The following MEI1 variants were observed in gnomAD, a reference collection of about 807,000 sequenced individuals.
The protein encoded by MEI1 is meiotic double-stranded break formation protein 1.
In MEI1, 103 loss-of-function variants were observed where a neutral mutation model predicts 146.2. The observed-to-expected ratio is 0.70, with a 90% CI of 0.60 to 0.83. The LOEUF is 0.83. Ranked by LOEUF, MEI1 falls within the 40% of genes least tolerant of loss-of-function variation. The probability of loss-of-function intolerance (pLI) is 0.00; values close to 1 mark genes in which losing one functional copy is unlikely to be tolerated. For synonymous variants in MEI1, 652 were observed against 628.2 expected, an observed-to-expected ratio of 1.04 and a Z score of -0.57; for missense variants, 1,529 against 1,533.0, an observed-to-expected ratio of 1.00 and a Z score of 0.04.
At chr22:41,758,238 T>G in intron 17 of MEI1, 127 bp from the exon 18 acceptor site, 1 of 790,602 alleles carries the variant, frequency 1.3e-6, no homozygotes, top group Non-Finnish European at 1.8e-6. Context: ...GATTTCCTTA[T>G]TTCCCACTAT....
chr22:41,785,997 G>T (rs1297565832), intron 26 of MEI1, among the ~76,000 whole-genome samples: 1 of 137,284 alleles, frequency 7.3e-6, no homozygotes, highest in East Asian at 2.0e-4. Context: ...TGCAAGCTCC[G>T]CCTCCCGGGT....
chr22:41,789,531 T>TC (rs2076102092), intron 26 of MEI1, among the ~76,000 whole-genome samples: 1 of 152,100 alleles, frequency 6.6e-6, no homozygotes, highest in Admixed American at 6.6e-5. Flanking sequence ...AGTATATGGG[T>TC]CAGTGGCATT....
At chr22:41,722,976 T>A (rs1216766870) in intron 6 of MEI1, among the ~76,000 whole-genome samples, 1 of 152,164 alleles carries the variant, frequency 6.6e-6, no homozygotes, top group Non-Finnish European at 1.5e-5. Context: ...GACTTTTTTT[T>A]CCCCCAGCCA....
chr22:41,757,528 T>A (rs1339041045), intron 17 of MEI1, among the ~76,000 whole-genome samples: 1 of 152,064 alleles, frequency 6.6e-6, no homozygotes, highest in Non-Finnish European at 1.5e-5. Context: ...CGGCTAATTT[T>A]TGTATTTTTG....
chr22:41,740,113 A>T (rs1008709833), intron 11 of MEI1, among the ~76,000 whole-genome samples: 1 of 151,722 alleles, frequency 6.6e-6, no homozygotes, highest in Non-Finnish European at 1.5e-5. Context: ...TCCACCTCCC[A>T]GGTTCAAACG....
chr22:41,763,422 TAG>T, intron 19 of MEI1, 101 bp downstream of exon 19: 1 of 1,355,084 alleles, frequency 7.4e-7, no homozygotes. Flanking sequence ...AAGCGGGTGG[TAG>T]AGAGAGACAA....
At position 41,730,656 on chromosome 22, in the gene MEI1, G is replaced by T; in HGVS notation, c.1096+19G>T. ...GTGTATGGTTGGTAGTAAGGGTCCT[G>T]TACTAGCTTTGGGTTGGGTGGACGG... On this transcript the variant is annotated intron_variant, in intron 9 of 30. Transcript: ENST00000401548. 6.4e-7 allele frequency: 1 copy of T among 1,560,078 alleles called. No homozygotes were observed. Among genetic ancestry groups the T allele is most frequent in the Non-Finnish European group, 8.8e-7 (1 of 1,130,870 alleles).
intron 6 of MEI1, chr22:41,721,937 T>C (rs955277524): frequency 5.9e-5 from 9 of 151,660 alleles, no homozygotes; most frequent in African/African-American, 1.7e-4. Flanking sequence ...GCCAGGATGG[T>C]GTCAATCTCT....
intron 11 of MEI1, among the ~76,000 whole-genome samples, chr22:41,740,054 C>T (rs1253570023): frequency 6.6e-6 from 1 of 151,750 alleles, no homozygotes; most frequent in Admixed American, 6.6e-5. Context: ...GAGTCTCGCT[C>T]TGTTGCTCAG....
In MEI1 at chr22:41,793,032, C is replaced by CTTTTTTTTTTTTTTTTTTTT; in HGVS notation, c.3346-785_3346-766dup. 4.1e-5 allele frequency among the ~76,000 whole-genome samples: 2 copies of CTTTTTTTTTTTTTTTTTTTT among 48,398 alleles called. 1 individual carries two copies. The highest frequency in any genetic ancestry group is 3.2e-3 in the South Asian group (2 of 622). The allele number at this position is 48,398 out of a possible 152,430, so 31.8% of individuals were successfully genotyped here. ...ATCTTCTTTTCTGAAACAAAGCATT[C>CTTTTTTTTTTTTTTTTTTTT]TTTTTTTTTTTTTTTTTTTTTTTTT... On this transcript the variant is annotated intron_variant, in intron 26 of 30. Transcript: ENST00000401548.
intron 24 of MEI1, 89 bp downstream of exon 24, chr22:41,781,934 CT>C: frequency 6.9e-7 from 1 of 1,458,700 alleles, no homozygotes; most frequent in Admixed American, 2.0e-5. Context: ...GCTCTGGGGG[CT>C]TATTAGCTGT....
chr22:41,745,815 C>G (rs983649380), intron 13 of MEI1, 70 bp from the exon 14 acceptor site: 12 of 1,469,450 alleles, frequency 8.2e-6, no homozygotes, highest in Non-Finnish European at 1.1e-5. Context: ...CCCGCCACCC[C>G]CCAGGAAGCT....
chr22:41,794,203 C>T (rs1002115847), intron 27 of MEI1, among the ~76,000 whole-genome samples, 168 bp from the exon 28 acceptor site: 9 of 152,216 alleles, frequency 5.9e-5, no homozygotes, highest in Non-Finnish European at 1.0e-4. Flanking sequence ...AGCCAGTCAA[C>T]ATAAGTGGAT....
intron 11 of MEI1, among the ~76,000 whole-genome samples, chr22:41,738,466 A>T (rs954340935): frequency 3.3e-5 from 5 of 152,222 alleles, no homozygotes; most frequent in African/African-American, 1.2e-4. Context: ...GGGTGCCTGT[A>T]ATTCCAGCTA....
chr22:41,758,245 C>A, intron 17 of MEI1, 120 bp from the exon 18 acceptor site: 2 of 869,304 alleles, frequency 2.3e-6, no homozygotes, highest in Non-Finnish European at 3.3e-6. Flanking sequence ...TTATTTCCCA[C>A]TATACTGCAT....
At chr22:41,767,463 G>A in intron 19 of MEI1, 1 of 427,278 alleles carries the variant, frequency 2.3e-6, no homozygotes, top group South Asian at 1.6e-5. Flanking sequence ...ACACTGATGT[G>A]TGTTAAGGTA....
rs79424321 is a variant in MEI1, at chr22:41,747,770, A to G, written c.1681-337A>G. 3.0e-3 allele frequency among the ~76,000 whole-genome samples: 450 copies of G among 148,948 alleles called. 3 individuals are homozygous for G. The highest frequency in any genetic ancestry group is 0.01 in the African/African-American group (425 of 40,504). ...CAAATATGAAGGCAGTTTATAAACT[A>G]TATTATTATTATTACTATCGTAATA... On this transcript the variant is annotated intron_variant, in intron 14 of 30. Transcript: ENST00000401548.
chr22:41,712,241 G>GTTTT (rs1160197048), intron 3 of MEI1, among the ~76,000 whole-genome samples: 32 of 113,954 alleles, frequency 2.8e-4, no homozygotes, highest in African/African-American at 1.2e-3. Flanking sequence ...TTGTTTGTTT[G>GTTTT]TTTGTTTCTT....
chr22:41,719,068 C>T (rs1281819079), intron 6 of MEI1, among the ~76,000 whole-genome samples: 3 of 151,186 alleles, frequency 2.0e-5, no homozygotes, highest in Non-Finnish European at 4.4e-5. Flanking sequence ...CTGCAAGCTC[C>T]GCCTCCCGGG....
Sources: allele counts gnomAD v4.1 joint callset (sites outside exome capture counted in the v4.1 genomes callset), GRCh38; gene constraint gnomAD v4.1.1; transcripts MANE v1.5; gene names NCBI Gene and HGNC (gene_info 2026-07-23, HGNC 2026-07-21).